MACROD2: variants seen among roughly 807,000 people sequenced by gnomAD.
The protein encoded by MACROD2 is mono-ADP ribosylhydrolase 2, also known as ADP-ribose glycohydrolase MACROD2.
MACROD2 carries 36 observed loss-of-function variants against 70.4 expected under a neutral mutation model. That is an observed-to-expected ratio of 0.51 (90% CI 0.39 to 0.68). The LOEUF (loss-of-function observed/expected upper bound fraction) is 0.68. Among genes scored for constraint, MACROD2 ranks in the 30% least tolerant of loss-of-function variants. The pLI is 0.00. For synonymous variants in MACROD2, 172 were observed against 178.8 expected (o/e 0.96, Z 0.30); for missense variants, 496 against 538.4 (o/e 0.92, Z 0.78).
chr20:15,547,447 A>G (rs1160811214), intron 8 of MACROD2, among the ~76,000 whole-genome samples: 1 of 152,022 alleles, frequency 6.6e-6, no homozygotes, highest in Non-Finnish European at 1.5e-5. Context: ...GTTCTATTCC[A>G]TGTTCTTGAT....
intron 5 of MACROD2, among the ~76,000 whole-genome samples, chr20:14,842,385 C>T (rs542346606): frequency 1.3e-5 from 2 of 152,056 alleles, no homozygotes; most frequent in African/African-American, 4.8e-5. Context: ...CTGAAGTCTC[C>T]CCAGAGCAGT....
intron 8 of MACROD2, among the ~76,000 whole-genome samples, chr20:15,742,047 C>G (rs376766473): frequency 7.2e-5 from 11 of 152,170 alleles, no homozygotes. Flanking sequence ...CCCCACAATA[C>G]AGACGGCAGC....
chr20:15,714,003 A>G (rs867331261), intron 8 of MACROD2, among the ~76,000 whole-genome samples: 2,986 of 150,626 alleles, frequency 0.02, 112 homozygotes, highest in African/African-American at 0.068. Context: ...ACACACACAC[A>G]CACACACACA....
intron 6 of MACROD2, among the ~76,000 whole-genome samples, chr20:15,316,247 A>G (rs1029335788): frequency 6.6e-6 from 1 of 152,078 alleles, no homozygotes; most frequent in Non-Finnish European, 1.5e-5. Context: ...ATGCTCATGG[A>G]TAAAATTTTC....
chr20:14,958,015 C>T (rs2074552393), intron 5 of MACROD2, among the ~76,000 whole-genome samples: 1 of 152,166 alleles, frequency 6.6e-6, no homozygotes, highest in South Asian at 2.1e-4. Flanking sequence ...AATATCCACT[C>T]TTGTCTAGTG....
chr20:15,733,238 T>G (rs1392237342), intron 8 of MACROD2, among the ~76,000 whole-genome samples: 2 of 152,182 alleles, frequency 1.3e-5, no homozygotes, highest in African/African-American at 4.8e-5. Flanking sequence ...TTTGTTCTTT[T>G]TTTTCTCTTG....
intron 8 of MACROD2, among the ~76,000 whole-genome samples, chr20:15,767,140 C>A (rs1317556489): frequency 6.6e-6 from 1 of 152,004 alleles, no homozygotes; most frequent in East Asian, 1.9e-4. Context: ...AAAAATAAAG[C>A]TTATAAAATA....
At chr20:15,097,759 A>T (rs1179213482) in intron 5 of MACROD2, among the ~76,000 whole-genome samples, 1 of 152,190 alleles carries the variant, frequency 6.6e-6, no homozygotes, top group Non-Finnish European at 1.5e-5. Context: ...GCTGCCATGG[A>T]AAGTTAGGGC....
At chr20:14,203,338 GT>G (rs755943222) in intron 3 of MACROD2, among the ~76,000 whole-genome samples, 1 of 151,872 alleles carries the variant, frequency 6.6e-6, no homozygotes, top group Non-Finnish European at 1.5e-5. Context: ...TTGTATCTGA[GT>G]TCCTTTAACA....
At chr20:14,940,148 C>CAAAAAAAAAAA (rs57697517) in intron 5 of MACROD2, among the ~76,000 whole-genome samples, 69 of 55,060 alleles carry the variant, frequency 1.3e-3, no homozygotes, top group Non-Finnish European at 2.2e-3. Flanking sequence ...CTCATCTCTG[C>CAAAAAAAAAAA]AAAAAAAAAA....
intron 8 of MACROD2, among the ~76,000 whole-genome samples, chr20:15,807,683 T>A (rs886265840): frequency 2.0e-5 from 3 of 152,192 alleles, no homozygotes; most frequent in African/African-American, 7.2e-5. Context: ...ATATATTGAG[T>A]TAAATAAATA....
At chr20:15,944,337 C>A (rs1202163436) in intron 12 of MACROD2, among the ~76,000 whole-genome samples, 1 of 151,982 alleles carries the variant, frequency 6.6e-6, no homozygotes, top group East Asian at 1.9e-4. Flanking sequence ...ACCCTGGTGC[C>A]CAGAAATAAG....
chr20:14,547,349 T>A, intron 4 of MACROD2: 1 of 233,320 alleles, frequency 4.3e-6, no homozygotes, highest in Non-Finnish European at 9.7e-6. Flanking sequence ...ATCATACAGA[T>A]CACATACTCC....
chr20:14,657,129 A>G (rs1255639692), intron 4 of MACROD2, among the ~76,000 whole-genome samples: 2 of 152,236 alleles, frequency 1.3e-5, no homozygotes, highest in Non-Finnish European at 2.9e-5. Context: ...CATTAGTATT[A>G]TGAACTCTTA....
chr20:14,997,791 G>A (rs762578790), intron 5 of MACROD2, among the ~76,000 whole-genome samples: 10 of 152,154 alleles, frequency 6.6e-5, no homozygotes, highest in Non-Finnish European at 1.3e-4. Flanking sequence ...CCCTGGGCAA[G>A]TCCCAGTACT....
intron 3 of MACROD2, among the ~76,000 whole-genome samples, chr20:14,256,957 A>G (rs1245007171): frequency 6.6e-6 from 1 of 152,144 alleles, no homozygotes; most frequent in Non-Finnish European, 1.5e-5. Context: ...TGTGTTACAC[A>G]TTCTAGTTCA....
chr20:15,507,353 T>C (rs960819600), intron 8 of MACROD2, among the ~76,000 whole-genome samples: 1 of 150,404 alleles, frequency 6.6e-6, no homozygotes, highest in South Asian at 2.2e-4. Context: ...CCTCCCTTTT[T>C]CCTTCCTTTT....
At chr20:14,825,992 G>A (rs1434242535) in intron 5 of MACROD2, among the ~76,000 whole-genome samples, 2 of 152,130 alleles carry the variant, frequency 1.3e-5, no homozygotes, top group African/African-American at 2.4e-5. Context: ...TAATGCCACA[G>A]TTTGGGTTGT....
chr20:15,407,378 G>A (rs1411404771), intron 6 of MACROD2, among the ~76,000 whole-genome samples: 1 of 152,148 alleles, frequency 6.6e-6, no homozygotes, highest in Non-Finnish European at 1.5e-5. Context: ...CAGCCACAGT[G>A]GTAACCTGTT....
Sources: allele counts gnomAD v4.1 joint callset (sites outside exome capture counted in the v4.1 genomes callset), GRCh38; gene constraint gnomAD v4.1.1; transcripts MANE v1.5; gene names NCBI Gene and HGNC (gene_info 2026-07-23, HGNC 2026-07-21).